The following SLIT2 variants were observed in gnomAD, a reference collection of about 807,000 sequenced individuals.
The protein encoded by SLIT2 is slit guidance ligand 2.
Under a neutral mutation model 185.7 loss-of-function variants are expected in SLIT2, and 41 were observed. That is an observed-to-expected ratio of 0.22 (90% confidence interval 0.17 to 0.29). The LOEUF (loss-of-function observed/expected upper bound fraction) is 0.29. SLIT2 is among the 10% of genes least tolerant of loss of function. SLIT2 has a pLI of 1.00. For synonymous variants in SLIT2, 693 were observed against 680.2 expected (o/e 1.02, Z -0.29); for missense variants, 1,571 against 1,909.0 (o/e 0.82, Z 3.30).
At chr4:20,313,891 C>CCATG (rs1409775595) in intron 4 of SLIT2, among the ~76,000 whole-genome samples, 1 of 152,176 alleles carries the variant, frequency 6.6e-6, no homozygotes, top group Non-Finnish European at 1.5e-5. Flanking sequence ...TCCTCACAGG[C>CCATG]CATGGATCAG....
chr4:20,298,414 G>A (rs1037292808), intron 4 of SLIT2, among the ~76,000 whole-genome samples: 6 of 152,072 alleles, frequency 3.9e-5, no homozygotes, highest in African/African-American at 1.4e-4. Flanking sequence ...TTTATGGAAA[G>A]GAAATGGTCT....
At chr4:20,405,371 C>T (rs899734907) in intron 4 of SLIT2, among the ~76,000 whole-genome samples, 1 of 151,764 alleles carries the variant, frequency 6.6e-6, no homozygotes, top group Admixed American at 6.6e-5. Context: ...TTAGAATTCT[C>T]AGAAAGTTTT....
chr4:20,375,795 A>G (rs1723965486), intron 4 of SLIT2, among the ~76,000 whole-genome samples: 4 of 151,560 alleles, frequency 2.6e-5, no homozygotes, highest in Admixed American at 1.3e-4. Context: ...GTCTGAAGGA[A>G]AAAAAAAGGG....
At chr4:20,617,310 G>T in intron 35 of SLIT2, 112 bp downstream of exon 35, 1 of 1,176,532 alleles carries the variant, frequency 8.5e-7, no homozygotes, top group South Asian at 1.4e-5. Flanking sequence ...GAGGGGAGGG[G>T]AGGTTCGTTA....
chr4:20,255,159 A>G (rs1477271922), intron 1 of SLIT2: 7 of 408,990 alleles, frequency 1.7e-5, no homozygotes, highest in South Asian at 1.2e-4. Context: ...GCGCGTCTGG[A>G]TTCGTCCCGC....
chr4:20,538,711 G>T (rs1722523893), intron 18 of SLIT2, among the ~76,000 whole-genome samples: 1 of 146,126 alleles, frequency 6.8e-6, no homozygotes, highest in South Asian at 2.2e-4. Flanking sequence ...GCAAAGAATT[G>T]ATAATTGAGC....
In SLIT2 at chr4:20,254,842, G is replaced by A. The variant is rs1439954778; in HGVS notation, c.179+848G>A. ...CATCCACCTTTCTGGCAGTTTCTGC[G>A]CCCCTTCACGTGGCAGCAGTTCCCC... On this transcript the variant is annotated intron_variant, in intron 1 of 36. Coordinates refer to ENST00000504154, the MANE Select transcript of SLIT2 (RefSeq NM_004787.4). The surrounding 1 kb of genome is among the most constrained non-coding windows in gnomAD (Gnocchi z 5.1). 4.6e-6 allele frequency: 2 copies of A among 439,428 alleles called. No individual in the cohort carries two copies. Among genetic ancestry groups the A allele is most frequent in the Admixed American group, 4.8e-5 (2 of 41,414 alleles). 27.2% of individuals were successfully genotyped at this position (439,428 alleles called of 1,614,324 possible).
At chr4:20,255,293 C>T (rs1195799868) in intron 1 of SLIT2, among the ~76,000 whole-genome samples, 2 of 152,220 alleles carry the variant, frequency 1.3e-5, no homozygotes, top group East Asian at 1.9e-4. Context: ...CCATTTCTCT[C>T]GCCCTTAGTT....
chr4:20,307,114 C>CT (rs1277440811), intron 4 of SLIT2, among the ~76,000 whole-genome samples: 2 of 110,792 alleles, frequency 1.8e-5, no homozygotes, highest in East Asian at 3.2e-4. Flanking sequence ...CCCTCCCTCC[C>CT]TCCCTTCCCT....
chr4:20,388,619 C>A (rs1194347117), intron 4 of SLIT2, among the ~76,000 whole-genome samples: 2 of 151,330 alleles, frequency 1.3e-5, no homozygotes, highest in Non-Finnish European at 2.9e-5. Flanking sequence ...ACTACAAATA[C>A]AAAAATTAAC....
intron 5 of SLIT2, among the ~76,000 whole-genome samples, chr4:20,468,737 T>C (rs892893819): frequency 2.0e-5 from 3 of 152,118 alleles, no homozygotes; most frequent in African/African-American, 7.2e-5. Context: ...AAAGCCCCTG[T>C]ATGCTGAGAT....
At chr4:20,472,101 T>G (rs1715102871) in intron 5 of SLIT2, among the ~76,000 whole-genome samples, 2 of 150,012 alleles carry the variant, frequency 1.3e-5, no homozygotes, top group African/African-American at 5.0e-5. Flanking sequence ...TTTACATTTG[T>G]GTTTTTAAAC....
At chr4:20,447,577 G>A (rs977174672) in intron 4 of SLIT2, among the ~76,000 whole-genome samples, 1 of 152,214 alleles carries the variant, frequency 6.6e-6, no homozygotes, top group Non-Finnish European at 1.5e-5. Flanking sequence ...ACAGGAGCAG[G>A]CTGTAGCCTG....
At chr4:20,365,520 G>A (rs1560356435) in intron 4 of SLIT2, among the ~76,000 whole-genome samples, 1 of 152,110 alleles carries the variant, frequency 6.6e-6, no homozygotes, top group Non-Finnish European at 1.5e-5. Context: ...GTACCCGATT[G>A]TTCTGTCCTT....
At chr4:20,372,765 A>C (rs768449212) in intron 4 of SLIT2, among the ~76,000 whole-genome samples, 5 of 152,068 alleles carry the variant, frequency 3.3e-5, no homozygotes, top group Non-Finnish European at 7.4e-5. Context: ...ATGATAACAA[A>C]ATTGAAAGCA....
At position 20,541,560 on chromosome 4, in the gene SLIT2, A is replaced by G; in HGVS notation, c.2084A>G (p.Tyr695Cys). ...GGAAATCCTAGATGTCAAAAACCAT[A>G]CTTCCTGAAAGAAATACCCATCCAG... The part of the protein sequence containing the change: ...VTGNPRCQKP[Y>C]FLKEIPIQDV... The change falls in exon 20 of 37, where the codon TAC (tyrosine) becomes TGC (cysteine). Residue 695 changes from tyrosine to cysteine, a missense_variant. Physicochemically the swap from Tyr to Cys is radical, Grantham distance 194 (BLOSUM62 -2). Transcript: ENST00000504154. 2 of 1,614,092 alleles carry G rather than the reference A, an allele frequency of 1.2e-6. No homozygotes were observed. Among genetic ancestry groups the G allele is most frequent in the Non-Finnish European group, 1.7e-6 (2 of 1,179,942 alleles).
chr4:20,333,551 C>T (rs967646928), intron 4 of SLIT2, among the ~76,000 whole-genome samples: 3 of 152,250 alleles, frequency 2.0e-5, no homozygotes, highest in Non-Finnish European at 4.4e-5. Flanking sequence ...ATCATCCTTG[C>T]TTACTTTGTT....
intron 12 of SLIT2, among the ~76,000 whole-genome samples, chr4:20,523,222 G>T (rs1417156307): frequency 6.6e-6 from 1 of 152,178 alleles, no homozygotes; most frequent in Admixed American, 6.5e-5. Context: ...TGGGAAGATT[G>T]CAGAGTTCTG....
chr4:20,457,916 C>CA (rs1324514901), intron 4 of SLIT2, among the ~76,000 whole-genome samples: 1 of 152,072 alleles, frequency 6.6e-6, no homozygotes, highest in Non-Finnish European at 1.5e-5. Flanking sequence ...GGAACCATGA[C>CA]ACAACAGTGC....
Sources: allele counts gnomAD v4.1 joint callset (sites outside exome capture counted in the v4.1 genomes callset), GRCh38; gene constraint gnomAD v4.1.1; non-coding constraint Gnocchi (gnomAD v3.1); transcripts MANE v1.5; gene names NCBI Gene and HGNC (gene_info 2026-07-23, HGNC 2026-07-21).